OR2L13: variants seen among roughly 807,000 people sequenced by gnomAD.
OR2L13 encodes olfactory receptor 2L13.
Under a neutral mutation model 15.3 loss-of-function variants are expected in OR2L13, and 14 were observed. That is an observed-to-expected ratio of 0.91 (90% CI 0.60 to 1.43). The LOEUF (loss-of-function observed/expected upper bound fraction) is 1.43. OR2L13 is among the 40% of genes most tolerant of loss of function. OR2L13 has a pLI of 0.00. For synonymous variants in OR2L13, 152 were observed against 142.9 expected (o/e 1.06, Z -0.45); for missense variants, 367 against 387.9 (o/e 0.95, Z 0.45).
At chr1:247,992,824 G>A in the OR2L13 span, among the ~76,000 whole-genome samples, 2 of 149,758 alleles carry the variant, frequency 1.3e-5, no homozygotes, top group African/African-American at 5.0e-5. Flanking sequence ...TGTGAATAGT[G>A]CAGCAATGAG....
the OR2L13 span, among the ~76,000 whole-genome samples, chr1:248,067,193 T>A: frequency 5.3e-5 from 8 of 152,228 alleles, no homozygotes; most frequent in Admixed American, 5.2e-4. Context: ...ATGTGCAGTT[T>A]TACCAGCATA....
the OR2L13 span, chr1:248,023,972 A>T: frequency 6.6e-6 from 1 of 152,186 alleles, no homozygotes; most frequent in Admixed American, 6.5e-5. Flanking sequence ...GTGCATAAAA[A>T]CTATTTATCT....
chr1:248,021,457 A>T, the OR2L13 span, among the ~76,000 whole-genome samples: 1 of 152,220 alleles, frequency 6.6e-6, no homozygotes, highest in Non-Finnish European at 1.5e-5. Context: ...GATCAACTGC[A>T]GTCTGAAAAT....
At chr1:247,966,746 C>T in the OR2L13 span, among the ~76,000 whole-genome samples, 32 of 152,282 alleles carry the variant, frequency 2.1e-4, no homozygotes, top group Admixed American at 5.2e-4. Flanking sequence ...TGCTGATCGG[C>T]AAACTTAATT....
the OR2L13 span, among the ~76,000 whole-genome samples, chr1:247,954,348 C>T: frequency 1.3e-5 from 2 of 152,050 alleles, no homozygotes; most frequent in Non-Finnish European, 2.9e-5. Context: ...TAAGAAAATG[C>T]AAAGATATAT....
the OR2L13 span, chr1:248,061,312 A>G: frequency 6.2e-7 from 1 of 1,613,354 alleles, no homozygotes; most frequent in East Asian, 2.2e-5. Context: ...GTTTCCCTTC[A>G]TTGCTATTTC....
At chr1:248,022,844 C>T in the OR2L13 span, 12 of 1,612,476 alleles carry the variant, frequency 7.4e-6, no homozygotes, top group Non-Finnish European at 1.0e-5. Flanking sequence ...TGATGGGGGC[C>T]CTGACACGAG....
the OR2L13 span, chr1:248,030,029 TA>T: frequency 1.3e-5 from 2 of 152,256 alleles, no homozygotes; most frequent in East Asian, 3.9e-4. Context: ...ATTCTCCAGC[TA>T]AAAAGGACTG....
At chr1:247,994,520 G>C in the OR2L13 span, among the ~76,000 whole-genome samples, 1 of 152,054 alleles carries the variant, frequency 6.6e-6, no homozygotes, top group African/African-American at 2.4e-5. Flanking sequence ...CACACACACA[G>C]AAATACTACA....
At chr1:247,967,045 C>CCACACACACACACACA in the OR2L13 span, among the ~76,000 whole-genome samples, 4,591 of 147,396 alleles carry the variant, frequency 0.031, 86 homozygotes, top group Non-Finnish European at 0.04. Context: ...ACACCACACA[C>CCACACACACACACACA]CACACACACA....
the OR2L13 span, among the ~76,000 whole-genome samples, chr1:248,052,010 G>C: frequency 6.6e-6 from 1 of 152,132 alleles, no homozygotes; most frequent in Non-Finnish European, 1.5e-5. Context: ...ACTTTATGCA[G>C]ATATTAAATG....
chr1:248,031,016 CA>C, the OR2L13 span, among the ~76,000 whole-genome samples: 1 of 151,978 alleles, frequency 6.6e-6, no homozygotes, highest in Non-Finnish European at 1.5e-5. Flanking sequence ...AGGAGAGTTA[CA>C]AAAATGAAAG....
At chr1:248,022,115 A>T in the OR2L13 span, 23 of 1,613,620 alleles carry the variant, frequency 1.4e-5, no homozygotes, top group Non-Finnish European at 1.7e-5. Context: ...ATCTCCACAC[A>T]CCCATGTATT....
chr1:247,984,147 C>T, the OR2L13 span, among the ~76,000 whole-genome samples: 5,893 of 151,960 alleles, frequency 0.039, 351 homozygotes, highest in African/African-American at 0.13. Context: ...CCTTGTAGAA[C>T]GCGTCTGGTG....
the OR2L13 span, among the ~76,000 whole-genome samples, chr1:247,948,004 C>T: frequency 3.0e-4 from 45 of 151,994 alleles, no homozygotes; most frequent in African/African-American, 9.4e-4. Flanking sequence ...TTACTGAGGC[C>T]GAGGGTTCAA....
At chr1:248,032,247 A>T in the OR2L13 span, among the ~76,000 whole-genome samples, 2 of 152,168 alleles carry the variant, frequency 1.3e-5, no homozygotes, top group Non-Finnish European at 2.9e-5. Context: ...CTTAAAATGT[A>T]TTTGGACATC....
At chr1:247,948,259 C>T in the OR2L13 span, among the ~76,000 whole-genome samples, 3 of 152,056 alleles carry the variant, frequency 2.0e-5, no homozygotes, top group African/African-American at 7.2e-5. Context: ...ACAGATCATT[C>T]TATAAAGGTA....
chr1:248,075,547 A>T, the OR2L13 span, among the ~76,000 whole-genome samples: 4 of 152,186 alleles, frequency 2.6e-5, no homozygotes, highest in Non-Finnish European at 4.4e-5. Context: ...TTGCCATTCT[A>T]ACTGGCGTGA....
the OR2L13 span, among the ~76,000 whole-genome samples, chr1:248,065,440 T>C: frequency 6.6e-6 from 1 of 152,022 alleles, no homozygotes; most frequent in Non-Finnish European, 1.5e-5. Context: ...TTTATTTATT[T>C]ATTATTATTA....
Sources: allele counts gnomAD v4.1 joint callset (sites outside exome capture counted in the v4.1 genomes callset), GRCh38; gene constraint gnomAD v4.1.1; transcripts MANE v1.5; gene names NCBI Gene and HGNC (gene_info 2026-07-23, HGNC 2026-07-21).